Variants in HORMAD1 observed in about 807,000 individuals in gnomAD.
HORMAD1 encodes the protein HORMA domain-containing protein 1.
A neutral mutation model predicts 58.2 loss-of-function variants in HORMAD1; 33 were observed. The ratio of observed to expected loss-of-function variants is 0.57; its 90% CI spans 0.43 to 0.76. The LOEUF is 0.76. Among genes scored for constraint, HORMAD1 ranks in the 30% least tolerant of loss-of-function variants. The pLI is 0.00. For missense variants in HORMAD1, 363 were observed against 462.0 expected, an observed-to-expected ratio of 0.79 and a Z score of 1.96; for synonymous variants, 137 against 144.6, an observed-to-expected ratio of 0.95 and a Z score of 0.38.
chr1:150,700,739 T>C (rs927771057), intron 13 of HORMAD1, among the ~76,000 whole-genome samples: 1 of 152,186 alleles, frequency 6.6e-6, no homozygotes, highest in Non-Finnish European at 1.5e-5. Context: ...TGTGAGTAAC[T>C]TCCTTTAATT....
At chr1:150,716,091 T>A (rs1652065117) in intron 3 of HORMAD1, among the ~76,000 whole-genome samples, 1 of 148,506 alleles carries the variant, frequency 6.7e-6, no homozygotes, top group African/African-American at 2.5e-5. Flanking sequence ...CACTGATCCA[T>A]GCTACAATAC....
At position 150,711,832 on chromosome 1, in the gene HORMAD1, C is replaced by T. The variant is rs1651915158; in HGVS notation, c.300+1G>A. On this transcript the variant is annotated splice_donor_variant, in intron 6 of 14. Coordinates refer to ENST00000361824, the MANE Select transcript of HORMAD1 (RefSeq NM_032132.5). LOFTEE classifies it high-confidence loss of function. ...AGAACACACAATTTAAAAATACTTA[C>T]AGCTAGAACAACCATCCTTAGCTGA... The T allele has an allele frequency of 6.3e-7, 1 of 1,579,926 alleles. No individual in the cohort carries two copies.
chr1:150,709,526 C>T (rs1231289015), intron 7 of HORMAD1, among the ~76,000 whole-genome samples: 1 of 151,414 alleles, frequency 6.6e-6, no homozygotes, highest in Non-Finnish European at 1.5e-5. Context: ...GCCGCAGGGA[C>T]CTCTGCCCTT....
At chr1:150,702,394 C>T (rs1196288279) in intron 13 of HORMAD1, among the ~76,000 whole-genome samples, 1 of 152,150 alleles carries the variant, frequency 6.6e-6, no homozygotes, top group African/African-American at 2.4e-5. Context: ...ACCAGAAATA[C>T]CATTTGTCCC....
chr1:150,708,386 A>G lies in HORMAD1; in HGVS notation c.417T>C (p.Ser139=). 1 of 1,601,032 alleles carries G rather than the reference A, an allele frequency of 6.2e-7. No homozygotes were observed. Among genetic ancestry groups the G allele is most frequent in the African/African-American group, 1.3e-5 (1 of 74,394 alleles). The change falls in exon 9 of 15, where the codon TCT becomes TCC. Residue 139 remains serine (S), a synonymous_variant. Coordinates refer to ENST00000361824, the MANE Select transcript of HORMAD1 (RefSeq NM_032132.5). Reference sequence around the variant, plus strand: ...TCTTGGTGTCAGTAGACAACATGCTAGATTCGTTGCTTTGGTTTTTACTAG... The same window carrying G: ...TCTTGGTGTCAGTAGACAACATGCTGGATTCGTTGCTTTGGTTTTTACTAG... ...DFISKNQSNE[S]SMLSTDTKKA...
chr1:150,719,436 C>CTAT (rs1557801968), intron 2 of HORMAD1, 37 bp downstream of exon 2: 1 of 1,318,826 alleles, frequency 7.6e-7, no homozygotes, highest in Admixed American at 2.0e-5. Context: ...ATAAAAGCAG[C>CTAT]TATTATTAAG....
intron 2 of HORMAD1, among the ~76,000 whole-genome samples, chr1:150,717,537 A>G (rs1257872269): frequency 1.3e-5 from 2 of 151,966 alleles, no homozygotes; most frequent in Non-Finnish European, 2.9e-5. Context: ...AAAAAAATTG[A>G]GACAGGATCT....
intron 14 of HORMAD1, among the ~76,000 whole-genome samples, chr1:150,699,692 T>G (rs976685271): frequency 2.7e-5 from 4 of 145,964 alleles, no homozygotes; most frequent in Middle Eastern, 3.2e-3. Flanking sequence ...GCCCAGCTAT[T>G]TTTTTTTTTT....
At chr1:150,708,855 G>A in intron 8 of HORMAD1, 39 bp downstream of exon 8, 2 of 1,003,876 alleles carry the variant, frequency 2.0e-6, no homozygotes, top group Non-Finnish European at 3.2e-6. Flanking sequence ...ATGAATAAGT[G>A]GTAATCTGTA....
chr1:150,706,016 A>G (rs1397964551), intron 10 of HORMAD1, among the ~76,000 whole-genome samples: 2 of 152,202 alleles, frequency 1.3e-5, no homozygotes, highest in Non-Finnish European at 2.9e-5. Context: ...TCACTCGACT[A>G]ATACTTAGGA....
intron 14 of HORMAD1, 54 bp from the exon 15 acceptor site, chr1:150,698,788 T>C: frequency 4.9e-6 from 5 of 1,021,308 alleles, no homozygotes. Flanking sequence ...TAAATGTCTT[T>C]AATTGTAGAT....
intron 12 of HORMAD1, 31 bp downstream of exon 12, chr1:150,704,087 C>G (rs200802941): frequency 6.8e-7 from 1 of 1,472,502 alleles, no homozygotes; most frequent in East Asian, 2.3e-5. Flanking sequence ...GTGAACAAAA[C>G]AAAAGTGAGA....
intron 4 of HORMAD1, 79 bp from the exon 5 acceptor site, chr1:150,714,200 T>C: frequency 1.2e-6 from 1 of 864,344 alleles, no homozygotes; most frequent in Admixed American, 2.4e-5. Flanking sequence ...TTCCATATTA[T>C]CTCATTACTA....
intron 6 of HORMAD1, 28 bp from the exon 7 acceptor site, chr1:150,711,599 T>A (rs1384543982): frequency 6.5e-7 from 1 of 1,538,126 alleles, no homozygotes; most frequent in Non-Finnish European, 9.0e-7. Context: ...ACAATTGAGT[T>A]ATCTAAGGCT....
intron 2 of HORMAD1, among the ~76,000 whole-genome samples, chr1:150,718,320 G>A (rs1652149603): frequency 6.7e-6 from 1 of 150,328 alleles, no homozygotes; most frequent in African/African-American, 2.4e-5. Context: ...GAGACTACAG[G>A]CGTTGCACCA....
intron 1 of HORMAD1, among the ~76,000 whole-genome samples, chr1:150,719,946 G>A (rs906840045): frequency 4.0e-5 from 6 of 151,866 alleles, no homozygotes; most frequent in Admixed American, 3.9e-4. Context: ...ACGGAGTTTC[G>A]CTCTGTCGCC....
Position 150,708,370 on chromosome 1 carries a change from C to A in HORMAD1, c.433G>T (p.Asp145Tyr). The A allele has an allele frequency of 6.2e-7, 1 of 1,608,676 alleles. No homozygotes were observed. The highest frequency in any genetic ancestry group is 1.1e-5 in the South Asian group (1 of 90,266). Residue 145 changes from aspartate (D) to tyrosine (Y), a missense_variant, in exon 9 of 15, where the codon GAC (aspartate) becomes TAC (tyrosine). This residue lies in a region of HORMAD1 where 128 missense variants were observed against 171.8 expected (regional missense o/e 0.74). Coordinates refer to ENST00000361824, the MANE Select transcript of HORMAD1 (RefSeq NM_032132.5). ...QSNESSMLST[D>Y]TKKASILLIR... The stretch of plus-strand genomic sequence containing the variant: ...AGGAGAATGCTTGCTTTCTTGGTGT[C>A]AGTAGACAACATGCTAGATTCGTTG...
chr1:150,717,294 G>A lies in HORMAD1; in HGVS notation c.34-12C>T. Reference sequence around the variant, plus strand: ...AATACCAGTGCACTCTAAAATTCAAGGGAAAGTAGAACACTTTATTTAAAT... The same window carrying A: ...AATACCAGTGCACTCTAAAATTCAAAGGAAAGTAGAACACTTTATTTAAAT... On this transcript the variant is annotated splice_polypyrimidine_tract_variant and intron_variant, in intron 2 of 14. Coordinates refer to ENST00000361824, the MANE Select transcript of HORMAD1 (RefSeq NM_032132.5). The A allele has an allele frequency of 6.8e-7, 1 of 1,477,470 alleles. No homozygotes were observed. Among genetic ancestry groups the A allele is most frequent in the Non-Finnish European group, 9.1e-7 (1 of 1,101,214 alleles). The allele number at this position is 1,477,470 out of a possible 1,614,324, so 91.5% of individuals were successfully genotyped here. A position where few individuals can be genotyped will look rare whatever the true frequency, so the allele number is the denominator to read the frequency against.
intron 4 of HORMAD1, among the ~76,000 whole-genome samples, chr1:150,714,343 G>A (rs1267646909): frequency 2.0e-5 from 3 of 152,106 alleles, no homozygotes; most frequent in Non-Finnish European, 4.4e-5. Flanking sequence ...ATATCTGACA[G>A]CTATTTGTGG....
Sources: gnomAD v4.1 joint callset for allele counts (sites outside exome capture counted in the v4.1 genomes callset) on GRCh38, gnomAD v4.1.1 for gene constraint, gnomAD v4.1.1 regional missense constraint, MANE v1.5 for transcripts, NCBI Gene and HGNC (gene_info 2026-07-23, HGNC 2026-07-21) for gene names.